The following TMEM86A variants were observed in gnomAD, a reference collection of about 807,000 sequenced individuals.
The protein encoded by TMEM86A is transmembrane protein 86A.
TMEM86A carries 13 observed loss-of-function variants against 19.8 expected under a neutral mutation model. That is an observed-to-expected ratio of 0.66 (90% CI 0.43 to 1.04). The LOEUF (loss-of-function observed/expected upper bound fraction) is 1.04. Among genes scored for constraint, TMEM86A ranks in the 50% least tolerant of loss-of-function variants. The probability of loss-of-function intolerance (pLI) is 0.00; values close to 1 mark genes in which losing one functional copy is unlikely to be tolerated. For synonymous variants in TMEM86A, 128 were observed against 129.9 expected, an observed-to-expected ratio of 0.99 and a Z score of 0.10; for missense variants, 248 against 306.8, an observed-to-expected ratio of 0.81 and a Z score of 1.43.
rs1848127334 is a variant in TMEM86A, at chr11:18,699,064, C to G, written c.21+157C>G. On this transcript the variant is annotated intron_variant, in intron 1 of 2. Coordinates refer to ENST00000280734, the MANE Select transcript of TMEM86A (RefSeq NM_153347.3). The surrounding 1 kb of genome is among the most constrained non-coding windows in gnomAD (Gnocchi z 4.0). ...GGCGGGAGGCGGGCGCTGTCACCGC[C>G]CCCCGCTCCTCAGACTCGCGGCGCC... 6.6e-6 allele frequency among the ~76,000 whole-genome samples: 1 copy of G among 152,042 alleles called. No homozygotes were observed. The highest frequency in any genetic ancestry group is 6.5e-5 in the Admixed American group (1 of 15,286).
Position 18,702,471 on chromosome 11 carries a change from C to G in TMEM86A, c.*462C>G, listed in dbSNP as rs1391195944. On this transcript the variant is annotated 3_prime_UTR_variant, in exon 3 of 3. Transcript: ENST00000280734. Reference sequence around the variant, plus strand: ...GAATCTGTGCTGAGAAGACTCAGACCCAGGAGCCCCTTTCACAGGCCCCTA... The same window carrying G: ...GAATCTGTGCTGAGAAGACTCAGACGCAGGAGCCCCTTTCACAGGCCCCTA... 1 of 180,162 alleles carries G rather than the reference C, an allele frequency of 5.6e-6. No individual in the cohort carries two copies. The highest frequency in any genetic ancestry group is 2.3e-5 in the African/African-American group (1 of 42,634). The allele number at this position is 180,162 out of a possible 1,614,324, so 11.2% of individuals were successfully genotyped here. A position where few individuals can be genotyped will look rare whatever the true frequency, so the allele number is the denominator to read the frequency against.
Position 18,698,870 on chromosome 11 carries a change from C to T in TMEM86A, c.-17C>T. The T allele has an allele frequency of 3.1e-6, 2 of 655,292 alleles. No homozygotes were observed. Among genetic ancestry groups the T allele is most frequent in the South Asian group, 1.6e-5 (1 of 61,940 alleles). 40.6% of individuals were successfully genotyped at this position (655,292 alleles called of 1,614,324 possible). A position where few individuals can be genotyped will look rare whatever the true frequency, so the allele number is the denominator to read the frequency against. On this transcript the variant is annotated 5_prime_UTR_variant, in exon 1 of 3. Transcript: ENST00000280734. ...GCTGCAGCCCGGAGCAGGGTGCCAG[C>T]CGCCGCCGCCGCCGCCATGGTGTCC...
chr11:18,700,968 C>G lies in TMEM86A; in HGVS notation c.57C>G (p.Phe19Leu), dbSNP rs1387608382. 1 of 1,614,172 alleles carries G rather than the reference C, an allele frequency of 6.2e-7. No homozygotes were observed. Among genetic ancestry groups the G allele is most frequent in the South Asian group, 1.1e-5 (1 of 91,074 alleles). Residue 19 changes from phenylalanine (F) to leucine (L), a missense_variant, in exon 2 of 3, where the codon TTC becomes TTG. Coordinates refer to ENST00000280734, the MANE Select transcript of TMEM86A (RefSeq NM_153347.3). ...KSEGPKLVPFFKATCVYFVLW... is the reference protein window; with the variant it reads ...KSEGPKLVPFLKATCVYFVLW... Reference sequence around the variant, plus strand: ...AAGGACCCAAACTGGTGCCGTTCTTCAAGGCCACCTGCGTGTATTTTGTGC... The same window carrying G: ...AAGGACCCAAACTGGTGCCGTTCTTGAAGGCCACCTGCGTGTATTTTGTGC...
chr11:18,704,698 C>A lies in TMEM86A; in HGVS notation c.*2689C>A. On this transcript the variant is annotated 3_prime_UTR_variant, in exon 3 of 3. Transcript: ENST00000280734. ...GGGGCAAGAGCTGCCATTTATCTAG[C>A]ACTTAATATTTGCCAGACATTGTGC... 1.6e-6 allele frequency: 1 copy of A among 616,148 alleles called. No homozygotes were observed. The highest frequency in any genetic ancestry group is 2.9e-6 in the Non-Finnish European group (1 of 342,594). 38.2% of individuals were successfully genotyped at this position (616,148 alleles called of 1,614,324 possible).
At position 18,701,557 on chromosome 11, in the gene TMEM86A, C is replaced by G; in HGVS notation, c.287-16C>G. On this transcript the variant is annotated splice_polypyrimidine_tract_variant and intron_variant, in intron 2 of 2. Transcript: ENST00000280734. This position sits in a 1 kb window ranked among gnomAD's most constrained non-coding sequence, Gnocchi z 5.3. Reference sequence around the variant, plus strand: ...TCAAGCTTGCCCTCAGCTGCCTTTGCCCCTCTTACCCCCAGGTCTGCTGAT... The same window carrying G: ...TCAAGCTTGCCCTCAGCTGCCTTTGGCCCTCTTACCCCCAGGTCTGCTGAT... The G allele has an allele frequency of 6.5e-7, 1 of 1,534,714 alleles. No homozygotes were observed.
Position 18,701,530 on chromosome 11 carries a change from C to T in TMEM86A, c.287-43C>T, listed in dbSNP as rs745594079. 7 of 1,520,412 alleles carry T rather than the reference C, an allele frequency of 4.6e-6. No homozygotes were observed. Among genetic ancestry groups the T allele is most frequent in the African/African-American group, 4.2e-5 (3 of 71,900 alleles). 94.2% of individuals were successfully genotyped at this position (1,520,412 alleles called of 1,614,324 possible). ...TACCCCCACCCTGTTACTCATTCTT[C>T]ATCAAGCTTGCCCTCAGCTGCCTTT... On this transcript the variant is annotated intron_variant, in intron 2 of 2. Coordinates refer to ENST00000280734, the MANE Select transcript of TMEM86A (RefSeq NM_153347.3). The surrounding 1 kb of genome is among the most constrained non-coding windows in gnomAD (Gnocchi z 5.3).
In TMEM86A at chr11:18,702,011, G is replaced by A; in HGVS notation, c.*2G>A. The A allele has an allele frequency of 2.5e-6, 4 of 1,603,230 alleles. No homozygotes were observed. Among genetic ancestry groups the A allele is most frequent in the Non-Finnish European group, 3.4e-6 (4 of 1,179,352 alleles). On this transcript the variant is annotated 3_prime_UTR_variant, in exon 3 of 3. Transcript: ENST00000280734. Reference sequence around the variant, plus strand: ...TACAGACTGACCAAGGCCAACTGAGGTGCCAGGGTCTGGTCACCCCTCTCT... The same window carrying A: ...TACAGACTGACCAAGGCCAACTGAGATGCCAGGGTCTGGTCACCCCTCTCT...
In TMEM86A at chr11:18,701,437, C is replaced by T. The variant is rs1848148613; in HGVS notation, c.287-136C>T. ...TGGTCTTTAACTTTAGATCTTCCTA[C>T]CCCTGTTATCCCAAAGCAAAGCTGC... On this transcript the variant is annotated intron_variant, in intron 2 of 2. Coordinates refer to ENST00000280734, the MANE Select transcript of TMEM86A (RefSeq NM_153347.3). This position sits in a 1 kb window ranked among gnomAD's most constrained non-coding sequence, Gnocchi z 5.3. 1 of 1,072,686 alleles carries T rather than the reference C, an allele frequency of 9.3e-7. No individual in the cohort carries two copies. Among genetic ancestry groups the T allele is most frequent in the Middle Eastern group, 2.1e-4 (1 of 4,806 alleles). 66.4% of individuals were successfully genotyped at this position (1,072,686 alleles called of 1,614,324 possible).
chr11:18,701,517 G>A lies in TMEM86A; in HGVS notation c.287-56G>A. ...CCACATCCATCCCTACCCCCACCCTGTTACTCATTCTTCATCAAGCTTGCC... is the reference window on the plus strand; with the variant it reads ...CCACATCCATCCCTACCCCCACCCTATTACTCATTCTTCATCAAGCTTGCC... On this transcript the variant is annotated intron_variant, in intron 2 of 2. Transcript: ENST00000280734. This position sits in a 1 kb window ranked among gnomAD's most constrained non-coding sequence, Gnocchi z 5.3. The A allele has an allele frequency of 3.3e-6, 5 of 1,505,352 alleles. No homozygotes were observed. Among genetic ancestry groups the A allele is most frequent in the Non-Finnish European group, 4.5e-6 (5 of 1,120,216 alleles). The allele number at this position is 1,505,352 out of a possible 1,614,324, so 93.2% of individuals were successfully genotyped here. A position where few individuals can be genotyped will look rare whatever the true frequency, so the allele number is the denominator to read the frequency against.
In TMEM86A at chr11:18,699,419, C is replaced by T. The variant is rs535885087; in HGVS notation, c.21+512C>T. ...GCGCTGGGGGAAAAGGGGGCATTCT[C>T]TATGACATCCCCTGCTTTTCAGACT... is the stretch of plus-strand genomic sequence containing the variant. On this transcript the variant is annotated intron_variant, in intron 1 of 2. Coordinates refer to ENST00000280734, the MANE Select transcript of TMEM86A (RefSeq NM_153347.3). This position sits in a 1 kb window ranked among gnomAD's most constrained non-coding sequence, Gnocchi z 4.0. Among the ~76,000 whole-genome samples the T allele has an allele frequency of 2.0e-5, 3 of 152,366 alleles. No homozygotes were observed. The East Asian group carries it at 5.8e-4, about 29-fold the overall frequency.
At position 18,701,315 on chromosome 11, in the gene TMEM86A, G is replaced by A; in HGVS notation, c.286+118G>A. The A allele has an allele frequency of 7.2e-7, 1 of 1,380,722 alleles. No individual in the cohort carries two copies. The highest frequency in any genetic ancestry group is 1.4e-5 in the South Asian group (1 of 73,240). The allele number at this position is 1,380,722 out of a possible 1,614,324, so 85.5% of individuals were successfully genotyped here. ...TGAACCAGAGTGTGGGGAGCCTGAG[G>A]GTTTCTGAGGCCAGGGACTGTGAGG... On this transcript the variant is annotated intron_variant, in intron 2 of 2. Coordinates refer to ENST00000280734, the MANE Select transcript of TMEM86A (RefSeq NM_153347.3). This position sits in a 1 kb window ranked among gnomAD's most constrained non-coding sequence, Gnocchi z 5.3.
rs1848145177 is a variant in TMEM86A at position 18,701,080 on chromosome 11, C to T, written c.169C>T (p.His57Tyr). 1.2e-6 allele frequency: 2 copies of T among 1,614,074 alleles called. No individual in the cohort carries two copies. The highest frequency in any genetic ancestry group is 1.7e-5 in the Admixed American group (1 of 60,004). ...CTGCCTCTGGCTCTTCCTTCTGGCC[C>T]ATGGCCTGGGATTCCTGCTGGCCCA... is the stretch of plus-strand genomic sequence containing the variant. Reference protein sequence around the residue: ...IFCLWLFLLAHGLGFLLAHPS... With the variant: ...IFCLWLFLLAYGLGFLLAHPS... The change falls in exon 2 of 3, where the codon CAT becomes TAT. Residue 57 changes from histidine to tyrosine, a missense_variant. Coordinates refer to ENST00000280734, the MANE Select transcript of TMEM86A (RefSeq NM_153347.3). This position sits in a 1 kb window ranked among gnomAD's most constrained non-coding sequence, Gnocchi z 5.3.
chr11:18,702,357 A>C lies in TMEM86A; in HGVS notation c.*348A>C. The C allele has an allele frequency of 2.9e-6, 1 of 343,090 alleles. No homozygotes were observed. Among genetic ancestry groups the C allele is most frequent in the Non-Finnish European group, 5.6e-6 (1 of 179,706 alleles). 21.3% of individuals were successfully genotyped at this position (343,090 alleles called of 1,614,324 possible). A position where few individuals can be genotyped will look rare whatever the true frequency, so the allele number is the denominator to read the frequency against. On this transcript the variant is annotated 3_prime_UTR_variant, in exon 3 of 3. Coordinates refer to ENST00000280734, the MANE Select transcript of TMEM86A (RefSeq NM_153347.3). Reference sequence around the variant, plus strand: ...TTCCCCTACCAGGTGGAAGAGTCTGACTCCATGTGTTATGCCTAGGACCAA... The same window carrying C: ...TTCCCCTACCAGGTGGAAGAGTCTGCCTCCATGTGTTATGCCTAGGACCAA...
chr11:18,701,344 C>T lies in TMEM86A; in HGVS notation c.286+147C>T, dbSNP rs1848147456. The T allele has an allele frequency of 8.4e-7, 1 of 1,194,774 alleles. No individual in the cohort carries two copies. Among genetic ancestry groups the T allele is most frequent in the Non-Finnish European group, 1.2e-6 (1 of 863,236 alleles). 74.0% of individuals were successfully genotyped at this position (1,194,774 alleles called of 1,614,324 possible). ...TCTGAGGCCAGGGACTGTGAGGGTC[C>T]TTGTTAGGGGATGACCTCGCAGGGG... On this transcript the variant is annotated intron_variant, in intron 2 of 2. Coordinates refer to ENST00000280734, the MANE Select transcript of TMEM86A (RefSeq NM_153347.3). This position sits in a 1 kb window ranked among gnomAD's most constrained non-coding sequence, Gnocchi z 5.3.
chr11:18,698,790 C>T lies in TMEM86A; in HGVS notation c.-97C>T, dbSNP rs1378572743. ...GGCGCTCGGGAGGTATTGTCCGTCC[C>T]TCCGGGCTTTGTAGAATCGTCGCCG... On this transcript the variant is annotated 5_prime_UTR_variant, in exon 1 of 3. Transcript: ENST00000280734. 4.7e-6 allele frequency: 3 copies of T among 642,588 alleles called. No homozygotes were observed. The highest frequency in any genetic ancestry group is 3.5e-4 in the Middle Eastern group (1 of 2,860). The allele number at this position is 642,588 out of a possible 1,614,324, so 39.8% of individuals were successfully genotyped here. A position where few individuals can be genotyped will look rare whatever the true frequency, so the allele number is the denominator to read the frequency against.
rs1848127660 is a variant in TMEM86A at position 18,699,085 on chromosome 11, G to C, written c.21+178G>C. 6.6e-6 allele frequency among the ~76,000 whole-genome samples: 1 copy of C among 152,012 alleles called. No homozygotes were observed. The highest frequency in any genetic ancestry group is 1.5e-5 in the Non-Finnish European group (1 of 67,958). On this transcript the variant is annotated intron_variant, in intron 1 of 2. Transcript: ENST00000280734. The surrounding 1 kb of genome is among the most constrained non-coding windows in gnomAD (Gnocchi z 4.0). ...CCGCCCCCCGCTCCTCAGACTCGCG[G>C]CGCCCCTCCTCGCGCGCCCCCAGCC...
At position 18,701,841 on chromosome 11, in the gene TMEM86A, C is replaced by G. The variant is rs146522347; in HGVS notation, c.555C>G (p.Phe185Leu). The G allele has an allele frequency of 5.6e-6, 9 of 1,614,070 alleles. No individual in the cohort carries two copies. The highest frequency in any genetic ancestry group is 7.6e-6 in the Non-Finnish European group (9 of 1,180,054). Residue 185 changes from phenylalanine (F) to leucine (L), a missense_variant, in exon 3 of 3, where the codon TTC becomes TTG. Phe to Leu is a conservative substitution (Grantham distance 22). Coordinates refer to ENST00000280734, the MANE Select transcript of TMEM86A (RefSeq NM_153347.3). This position sits in a 1 kb window ranked among gnomAD's most constrained non-coding sequence, Gnocchi z 5.3. ...TELAAGSGAL[F>L]FIISDLTIAL... ...TGGCAGCTGGCAGTGGTGCACTCTT[C>G]TTTATCATCTCAGACCTGACCATCG... is the stretch of plus-strand genomic sequence containing the variant.
chr11:18,699,152 G>A lies in TMEM86A; in HGVS notation c.21+245G>A, dbSNP rs1055715239. Among the ~76,000 whole-genome samples the A allele has an allele frequency of 6.6e-6, 1 of 152,216 alleles. No homozygotes were observed. Among genetic ancestry groups the A allele is most frequent in the Admixed American group, 6.5e-5 (1 of 15,286 alleles). ...AAAACACTGGCCACGTGACTCGGAA[G>A]CGTGACTTTGTTGATCTCCATGTAT... On this transcript the variant is annotated intron_variant, in intron 1 of 2. Transcript: ENST00000280734. The surrounding 1 kb of genome is among the most constrained non-coding windows in gnomAD (Gnocchi z 4.0).
Position 18,703,732 on chromosome 11 carries a change from T to G in TMEM86A, c.*1723T>G, listed in dbSNP as rs1306631078. Reference sequence around the variant, plus strand: ...GTTGCTCATTTGTGGGGATGTGATTTAGGAGACTCAAGTCTCAGGGGTGGT... The same window carrying G: ...GTTGCTCATTTGTGGGGATGTGATTGAGGAGACTCAAGTCTCAGGGGTGGT... On this transcript the variant is annotated 3_prime_UTR_variant, in exon 3 of 3. Transcript: ENST00000280734. The G allele has an allele frequency of 6.6e-6, 1 of 152,246 alleles. No individual in the cohort carries two copies. The highest frequency in any genetic ancestry group is 2.4e-5 in the African/African-American group (1 of 41,460). 9.4% of individuals were successfully genotyped at this position (152,246 alleles called of 1,614,324 possible).
Sources: allele counts gnomAD v4.1 joint callset (sites outside exome capture counted in the v4.1 genomes callset), GRCh38; gene constraint gnomAD v4.1.1; non-coding constraint Gnocchi (gnomAD v3.1); transcripts MANE v1.5; gene names NCBI Gene and HGNC (gene_info 2026-07-23, HGNC 2026-07-21).